RAP1GDS1: variants seen among roughly 807,000 people sequenced by gnomAD.
RAP1GDS1 encodes RAP1, GTP-GDP dissociation stimulator 1.
RAP1GDS1 carries 35 observed loss-of-function variants against 71.1 expected under a neutral mutation model. The ratio of observed to expected loss-of-function variants is 0.49; its 90% CI spans 0.38 to 0.65. RAP1GDS1 has a LOEUF of 0.65. Ranked by LOEUF, RAP1GDS1 falls within the 30% of genes least tolerant of loss-of-function variation. RAP1GDS1 has a pLI of 0.00. For synonymous variants in RAP1GDS1, 229 were observed against 243.1 expected (o/e 0.94, Z 0.54); for missense variants, 663 against 706.1 (o/e 0.94, Z 0.69).
chr4:98,268,023 GTTTTTAC>G (rs1446058825), intron 1 of RAP1GDS1, among the ~76,000 whole-genome samples: 3 of 151,940 alleles, frequency 2.0e-5, no homozygotes, highest in Admixed American at 1.3e-4. Context: ...TTGTTTGTTT[GTTTTTAC>G]TTTTTAATAA....
At chr4:98,323,314 T>A (rs1305984796) in intron 2 of RAP1GDS1, among the ~76,000 whole-genome samples, 1 of 146,114 alleles carries the variant, frequency 6.8e-6, no homozygotes, top group Non-Finnish European at 1.5e-5. Context: ...CAGGACCAGA[T>A]GGATTCGCAG....
At chr4:98,341,749 G>T (rs917410137) in intron 2 of RAP1GDS1, among the ~76,000 whole-genome samples, 1 of 151,490 alleles carries the variant, frequency 6.6e-6, no homozygotes, top group African/African-American at 2.4e-5. Context: ...ACATTTTCAC[G>T]TGGTTCCTTA....
chr4:98,438,780 A>C (rs1481212496), intron 14 of RAP1GDS1, among the ~76,000 whole-genome samples: 1 of 151,660 alleles, frequency 6.6e-6, no homozygotes, highest in East Asian at 1.9e-4. Context: ...TTTTTAGTAC[A>C]GGCGGGGTTT....
chr4:98,261,689 G>C, intron 1 of RAP1GDS1, 120 bp downstream of exon 1: 1 of 1,305,360 alleles, frequency 7.7e-7, no homozygotes, highest in South Asian at 1.3e-5. Flanking sequence ...GGTGTGAGAC[G>C]GTGGCTGTTC....
At chr4:98,270,302 T>C (rs938044732) in intron 1 of RAP1GDS1, among the ~76,000 whole-genome samples, 1 of 152,176 alleles carries the variant, frequency 6.6e-6, no homozygotes, top group Non-Finnish European at 1.5e-5. Context: ...ATAAAGACTA[T>C]TTCAGTTATA....
intron 6 of RAP1GDS1, among the ~76,000 whole-genome samples, chr4:98,402,212 T>C (rs1287948593): frequency 6.6e-6 from 1 of 152,194 alleles, no homozygotes; most frequent in East Asian, 1.9e-4. Flanking sequence ...GCTGGGACTA[T>C]AGGTGTATGC....
intron 2 of RAP1GDS1, among the ~76,000 whole-genome samples, chr4:98,297,663 C>T (rs1727976836): frequency 6.6e-6 from 1 of 152,166 alleles, no homozygotes; most frequent in Non-Finnish European, 1.5e-5. Context: ...ACTAGCTATG[C>T]CGTACCCCCT....
At chr4:98,371,755 G>C (rs993606116) in intron 4 of RAP1GDS1, among the ~76,000 whole-genome samples, 6 of 152,072 alleles carry the variant, frequency 3.9e-5, no homozygotes, top group African/African-American at 1.4e-4. Context: ...TCCGCCCCTG[G>C]CCAATACCGC....
chr4:98,402,050 A>G (rs983445435), intron 6 of RAP1GDS1, among the ~76,000 whole-genome samples: 2 of 152,070 alleles, frequency 1.3e-5, no homozygotes, highest in East Asian at 3.9e-4. Context: ...TTCCAGGGAT[A>G]AATCATCTCT....
chr4:98,281,781 C>G (rs1256544231), intron 1 of RAP1GDS1, among the ~76,000 whole-genome samples: 1 of 152,158 alleles, frequency 6.6e-6, no homozygotes, highest in African/African-American at 2.4e-5. Context: ...GAGATACTTT[C>G]CATCAATACC....
At chr4:98,439,908 C>T (rs965648776) in intron 14 of RAP1GDS1, among the ~76,000 whole-genome samples, 5 of 152,156 alleles carry the variant, frequency 3.3e-5, no homozygotes, top group African/African-American at 1.2e-4. Context: ...ATTCACATTG[C>T]TGTGCAATCA....
intron 2 of RAP1GDS1, among the ~76,000 whole-genome samples, chr4:98,337,275 C>A (rs185805961): frequency 6.6e-6 from 1 of 152,314 alleles, no homozygotes; most frequent in African/African-American, 2.4e-5. Context: ...GTTTAGCTAT[C>A]CCAAAATACT....
At position 98,416,377 on chromosome 4, in the gene RAP1GDS1, C is replaced by A. The variant is rs560425819; in HGVS notation, c.764-368C>A. Among the ~76,000 whole-genome samples, 8 of 102,072 alleles carry A rather than the reference C, an allele frequency of 7.8e-5. No homozygotes were observed. The East Asian group carries it at 2.3e-3, about 29-fold the overall frequency. The allele number at this position is 102,072 out of a possible 152,430, so 67.0% of individuals were successfully genotyped here. A position where few individuals can be genotyped will look rare whatever the true frequency, so the allele number is the denominator to read the frequency against. Reference sequence around the variant, plus strand: ...TTTTTTTTTTTTTGAGACAGAGTCTCGCTCTATTGCCCAGGCTGGAGTGCA... The same window carrying A: ...TTTTTTTTTTTTTGAGACAGAGTCTAGCTCTATTGCCCAGGCTGGAGTGCA... On this transcript the variant is annotated intron_variant, in intron 7 of 14. Coordinates refer to ENST00000408927, the MANE Select transcript of RAP1GDS1 (RefSeq NM_001100427.2).
chr4:98,276,079 A>T (rs1033151929), intron 1 of RAP1GDS1, among the ~76,000 whole-genome samples: 1 of 152,184 alleles, frequency 6.6e-6, no homozygotes, highest in Non-Finnish European at 1.5e-5. Flanking sequence ...GGGAAGTTCA[A>T]GATCAAGGTG....
At chr4:98,378,881 A>T in intron 4 of RAP1GDS1, 136 bp from the exon 5 acceptor site, 1 of 801,280 alleles carries the variant, frequency 1.2e-6, no homozygotes, top group Non-Finnish European at 1.8e-6. Flanking sequence ...TTCTGAAAAG[A>T]CATATTTAAT....
chr4:98,320,212 C>T (rs1046549030), intron 2 of RAP1GDS1, among the ~76,000 whole-genome samples: 15 of 152,180 alleles, frequency 9.9e-5, no homozygotes, highest in Admixed American at 3.9e-4. Flanking sequence ...AAGATATTTG[C>T]GGGTTTTCGA....
At position 98,311,231 on chromosome 4, in the gene RAP1GDS1, G is replaced by A. The variant is rs549131190; in HGVS notation, c.112+17716G>A. On this transcript the variant is annotated intron_variant, in intron 2 of 14. Transcript: ENST00000408927. ...ACCAGTTTTCACACAATTTGTTATC[G>A]GGTCTAATCTGTAAATAAGATACTG... 2.9e-3 allele frequency among the ~76,000 whole-genome samples: 443 copies of A among 152,182 alleles called. 2 individuals carry two copies. Among genetic ancestry groups the A allele is most frequent in the African/African-American group, 0.01 (420 of 41,524 alleles).
rs1748102764 is a variant in RAP1GDS1 at position 98,416,789 on chromosome 4, C to G, written c.808C>G (p.Leu270Val). Residue 270 changes from leucine (L) to valine (V), a missense_variant, in exon 8 of 15, where the codon CTA becomes GTA. Physicochemically the swap from Leu to Val is conservative, Grantham distance 32. Coordinates refer to ENST00000408927, the MANE Select transcript of RAP1GDS1 (RefSeq NM_001100427.2). The part of the protein sequence containing the change: ...QLVEAGLVEC[L>V]LEIVQQKVDS... Reference sequence around the variant, plus strand: ...GGTTGAAGCAGGCCTAGTAGAGTGTCTACTAGAGATTGTTCAGCAAAAAGT... The same window carrying G: ...GGTTGAAGCAGGCCTAGTAGAGTGTGTACTAGAGATTGTTCAGCAAAAAGT... The G allele has an allele frequency of 6.2e-7, 1 of 1,611,154 alleles. No individual in the cohort carries two copies. Among genetic ancestry groups the G allele is most frequent in the African/African-American group, 1.3e-5 (1 of 74,796 alleles).
At chr4:98,274,678 A>T (rs1302254365) in intron 1 of RAP1GDS1, among the ~76,000 whole-genome samples, 1 of 152,078 alleles carries the variant, frequency 6.6e-6, no homozygotes, top group East Asian at 1.9e-4. Context: ...GCTTATTATT[A>T]TTTTATGGAG....
Sources: allele counts gnomAD v4.1 joint callset (sites outside exome capture counted in the v4.1 genomes callset), GRCh38; gene constraint gnomAD v4.1.1; transcripts MANE v1.5; gene names NCBI Gene and HGNC (gene_info 2026-07-23, HGNC 2026-07-21).